MEOX2: variants seen among roughly 807,000 people sequenced by gnomAD.
MEOX2 encodes the protein mesenchyme homeobox 2.
A neutral mutation model predicts 27.0 loss-of-function variants in MEOX2; 11 were observed. The ratio of observed to expected loss-of-function variants is 0.41; its 90% CI spans 0.26 to 0.68. The LOEUF (loss-of-function observed/expected upper bound fraction) is 0.68, where lower values mean the gene tolerates loss of function less well. MEOX2 is among the 30% of genes least tolerant of loss of function. The pLI is 0.33. For missense variants in MEOX2, 436 were observed against 385.4 expected, an observed-to-expected ratio of 1.13 and a Z score of -1.10; for synonymous variants, 189 against 155.4, an observed-to-expected ratio of 1.22 and a Z score of -1.61.
intron 1 of MEOX2, among the ~76,000 whole-genome samples, chr7:15,641,183 T>C (rs1781554638): frequency 6.6e-6 from 1 of 152,178 alleles, no homozygotes; most frequent in South Asian, 2.1e-4. Context: ...TTTTTATTAC[T>C]GATTCAATTT....
At chr7:15,684,891 C>G (rs1355043984) in intron 1 of MEOX2, among the ~76,000 whole-genome samples, 1 of 152,230 alleles carries the variant, frequency 6.6e-6, no homozygotes, top group Non-Finnish European at 1.5e-5. Context: ...GCTTTGAAAA[C>G]TTGTCTGGAA....
chr7:15,635,681 G>A (rs1781469955), intron 1 of MEOX2, among the ~76,000 whole-genome samples: 1 of 151,632 alleles, frequency 6.6e-6, no homozygotes, highest in African/African-American at 2.4e-5. Context: ...TTAAAATGTA[G>A]GAAAATTTTG....
At chr7:15,645,521 G>T (rs1039880176) in intron 1 of MEOX2, among the ~76,000 whole-genome samples, 10 of 152,048 alleles carry the variant, frequency 6.6e-5, no homozygotes, top group Non-Finnish European at 1.2e-4. Context: ...CTTTTAAGAT[G>T]GATGTTGGAA....
At chr7:15,636,443 C>G (rs1281193230) in intron 1 of MEOX2, among the ~76,000 whole-genome samples, 1 of 152,016 alleles carries the variant, frequency 6.6e-6, no homozygotes, top group South Asian at 2.1e-4. Context: ...AGGGTTCTAG[C>G]TCAGGCATCA....
intron 1 of MEOX2, among the ~76,000 whole-genome samples, chr7:15,637,216 ATGATACGGC>A (rs1273724417): frequency 1.3e-5 from 2 of 152,070 alleles, no homozygotes; most frequent in African/African-American, 4.8e-5. Flanking sequence ...ATAGTATATA[ATGATACGGC>A]ATTAAGTTTC....
rs1246005726 is a variant in MEOX2, at chr7:15,686,415, T to G, written c.-13A>C. On this transcript the variant is annotated 5_prime_UTR_variant, in exon 1 of 3. Transcript: ENST00000262041. The stretch of plus-strand genomic sequence containing the variant: ...GCGGGTGTTCCATAGCATGCAAGTT[T>G]CGGGTTCCAGGCAGAAGACTTCACG... 1 of 1,557,510 alleles carries G rather than the reference T, an allele frequency of 6.4e-7. No individual in the cohort carries two copies. The highest frequency in any genetic ancestry group is 1.9e-5 in the Admixed American group (1 of 51,650).
At chr7:15,624,052 A>C (rs901008090) in intron 2 of MEOX2, among the ~76,000 whole-genome samples, 1 of 152,236 alleles carries the variant, frequency 6.6e-6, no homozygotes, top group African/African-American at 2.4e-5. Flanking sequence ...ACAAATCTAC[A>C]TAGAAGAAAG....
At chr7:15,612,865 A>G (rs186249612) in intron 2 of MEOX2, among the ~76,000 whole-genome samples, 88 of 152,336 alleles carry the variant, frequency 5.8e-4, no homozygotes, top group Admixed American at 3.9e-3. Context: ...AAAATATGGA[A>G]CTAAACAAAA....
intron 1 of MEOX2, among the ~76,000 whole-genome samples, chr7:15,668,718 C>T (rs866040127): frequency 3.3e-5 from 5 of 152,054 alleles, no homozygotes; most frequent in East Asian, 1.9e-4. Flanking sequence ...TCAGATGATC[C>T]GCTCGCCTCA....
At chr7:15,640,406 T>C (rs544501802) in intron 1 of MEOX2, among the ~76,000 whole-genome samples, 1 of 152,132 alleles carries the variant, frequency 6.6e-6, no homozygotes, top group East Asian at 1.9e-4. Flanking sequence ...GAAGTTATTT[T>C]TCACATCTGG....
At chr7:15,681,410 C>T (rs556949172) in intron 1 of MEOX2, 1 of 151,512 alleles carries the variant, frequency 6.6e-6, no homozygotes, top group East Asian at 1.9e-4. Flanking sequence ...ATGTAGTGGG[C>T]TTATATATGG....
chr7:15,665,802 C>G (rs573656963), intron 1 of MEOX2, among the ~76,000 whole-genome samples: 45 of 152,266 alleles, frequency 3.0e-4, no homozygotes, highest in Non-Finnish European at 5.0e-4. Context: ...TTGCTGAAAG[C>G]GCGCAGCTGA....
At chr7:15,672,226 T>A (rs1782111926) in intron 1 of MEOX2, among the ~76,000 whole-genome samples, 1 of 152,260 alleles carries the variant, frequency 6.6e-6, no homozygotes, top group Non-Finnish European at 1.5e-5. Context: ...ATATTCCTTA[T>A]GTTTCTCAGT....
chr7:15,667,303 A>AAAAAAAAAAAAAAG (rs1562612186), intron 1 of MEOX2, among the ~76,000 whole-genome samples: 1 of 147,920 alleles, frequency 6.8e-6, no homozygotes, highest in African/African-American at 2.5e-5. Context: ...AAAAAAAAAA[A>AAAAAAAAAAAAAAG]AAAAAAAAAG....
intron 2 of MEOX2, among the ~76,000 whole-genome samples, chr7:15,624,991 C>G (rs769159734): frequency 2.0e-5 from 3 of 152,138 alleles, no homozygotes; most frequent in Non-Finnish European, 4.4e-5. Flanking sequence ...ATAAATGATT[C>G]TGCTCCGTGG....
intron 1 of MEOX2, chr7:15,676,059 C>T (rs1238927810): frequency 1.3e-5 from 2 of 152,098 alleles, no homozygotes; most frequent in Admixed American, 6.5e-5. Flanking sequence ...TTTAAAATTT[C>T]GCTGAAGTCA....
At chr7:15,636,399 G>A (rs1781479235) in intron 1 of MEOX2, among the ~76,000 whole-genome samples, 1 of 151,942 alleles carries the variant, frequency 6.6e-6, no homozygotes, top group Non-Finnish European at 1.5e-5. Context: ...TAAAGGTAAT[G>A]AAATAAAACT....
At chr7:15,672,070 G>A (rs1782108011) in intron 1 of MEOX2, among the ~76,000 whole-genome samples, 1 of 151,680 alleles carries the variant, frequency 6.6e-6, no homozygotes, top group African/African-American at 2.4e-5. Flanking sequence ...TCCAACCTGG[G>A]TGACAGAGCA....
intron 1 of MEOX2, among the ~76,000 whole-genome samples, chr7:15,667,454 G>C (rs1050104695): frequency 3.3e-5 from 5 of 151,870 alleles, no homozygotes; most frequent in African/African-American, 9.7e-5. Context: ...TTCCATCTTT[G>C]GCTTCCCTAT....
Sources: gnomAD v4.1 joint callset for allele counts (sites outside exome capture counted in the v4.1 genomes callset) on GRCh38, gnomAD v4.1.1 for gene constraint, MANE v1.5 for transcripts, NCBI Gene and HGNC (gene_info 2026-07-23, HGNC 2026-07-21) for gene names.